The following FLG2 variants were observed in gnomAD, a reference collection of about 807,000 sequenced individuals.
FLG2 encodes the protein filaggrin 2.
Under a neutral mutation model 3.9 loss-of-function variants are expected in FLG2, and 7 were observed. The observed-to-expected ratio is 1.79, with a 90% CI of 1.02 to 3.36. The LOEUF (loss-of-function observed/expected upper bound fraction) is 3.36, where lower values mean the gene tolerates loss of function less well. Ranked by LOEUF, FLG2 falls within the 30% of genes most tolerant of loss-of-function variation. The pLI is 0.00. For missense variants in FLG2, 2,700 were observed against 2,809.4 expected, an observed-to-expected ratio of 0.96 and a Z score of 0.88; for synonymous variants, 1,031 against 1,056.1, an observed-to-expected ratio of 0.98 and a Z score of 0.46.
Position 152,348,768 on chromosome 1 carries a change from A to T in FLG2, c.*1842T>A, listed in dbSNP as rs1293756846. 1.3e-5 allele frequency: 2 copies of T among 152,202 alleles called. No individual in the cohort carries two copies. Among genetic ancestry groups the T allele is most frequent in the Non-Finnish European group, 1.5e-5 (1 of 68,036 alleles). The allele number at this position is 152,202 out of a possible 1,614,324, so 9.4% of individuals were successfully genotyped here. ...GATGAAATGTTTATTGCCAATTTTT[A>T]TGAAGTACAATTTTCTGGATCCTAT... On this transcript the variant is annotated 3_prime_UTR_variant, in exon 3 of 3. Coordinates refer to ENST00000388718, the MANE Select transcript of FLG2 (RefSeq NM_001014342.3).
rs774907826 is a variant in FLG2, at chr1:152,354,572, G to A, written c.3214C>T (p.Arg1072Cys). The A allele has an allele frequency of 8.1e-6, 13 of 1,605,286 alleles. No homozygotes were observed. The highest frequency in any genetic ancestry group is 6.8e-5 in the Admixed American group (4 of 59,086). The change falls in exon 3 of 3, where the codon CGT (arginine) becomes TGT (cysteine). Residue 1072 changes from arginine to cysteine, a missense_variant. Coordinates refer to ENST00000388718, the MANE Select transcript of FLG2 (RefSeq NM_001014342.3). ...SGFGQYESRS[R>C]QSSYGQHGSG... The stretch of plus-strand genomic sequence containing the variant: ...CCATGTTGGCCATAGCTAGACTGAC[G>A]TGATCTAGACTCATATTGTCCAAAA...
Position 152,357,395 on chromosome 1 carries a change from G to C in FLG2, c.391C>G (p.His131Asp). The change falls in exon 3 of 3, where the codon CAT (histidine) becomes GAT (aspartate). Residue 131 changes from histidine (H) to aspartate (D), a missense_variant. His to Asp is a moderately conservative substitution (Grantham distance 81). Coordinates refer to ENST00000388718, the MANE Select transcript of FLG2 (RefSeq NM_001014342.3). The part of the protein sequence containing the change: ...DTPGHKSGYR[H>D]SSWSEGEEHG... ...TCCTCTCCCTCACTCCAACTTGAAT[G>C]TCTGTAACCTGATTTATGTCCTGGT... The C allele has an allele frequency of 6.2e-7, 1 of 1,614,130 alleles. No individual in the cohort carries two copies. The highest frequency in any genetic ancestry group is 8.5e-7 in the Non-Finnish European group (1 of 1,180,030).
chr1:152,348,766 T>G lies in FLG2; in HGVS notation c.*1844A>C, dbSNP rs1204364003. The stretch of plus-strand genomic sequence containing the variant: ...TTGATGAAATGTTTATTGCCAATTT[T>G]TATGAAGTACAATTTTCTGGATCCT... On this transcript the variant is annotated 3_prime_UTR_variant, in exon 3 of 3. Coordinates refer to ENST00000388718, the MANE Select transcript of FLG2 (RefSeq NM_001014342.3). 6.6e-6 allele frequency: 1 copy of G among 152,180 alleles called. No individual in the cohort carries two copies. Among genetic ancestry groups the G allele is most frequent in the Non-Finnish European group, 1.5e-5 (1 of 68,032 alleles). The allele number at this position is 152,180 out of a possible 1,614,324, so 9.4% of individuals were successfully genotyped here. A position where few individuals can be genotyped will look rare whatever the true frequency, so the allele number is the denominator to read the frequency against.
Position 152,351,563 on chromosome 1 carries a change from G to C in FLG2, c.6223C>G (p.Gln2075Glu). 6.2e-7 allele frequency: 1 copy of C among 1,612,282 alleles called. No homozygotes were observed. The highest frequency in any genetic ancestry group is 8.5e-7 in the Non-Finnish European group (1 of 1,179,688). The change falls in exon 3 of 3, where the codon CAG becomes GAG. Residue 2075 changes from glutamine to glutamate, a missense_variant. By Grantham distance (29) the Gln-to-Glu change is conservative. Coordinates refer to ENST00000388718, the MANE Select transcript of FLG2 (RefSeq NM_001014342.3). Reference protein sequence around the residue: ...VHERHGTTHGQTGDTTRHAHS... With the variant: ...VHERHGTTHGETGDTTRHAHS... ...GCATGTCTAGTGGTATCTCCTGTCTGTCCATGAGTAGTTCCGTGTCTCTCA... is the reference window on the plus strand; with the variant it reads ...GCATGTCTAGTGGTATCTCCTGTCTCTCCATGAGTAGTTCCGTGTCTCTCA...
At position 152,357,267 on chromosome 1, in the gene FLG2, G is replaced by A. The variant is rs199644255; in HGVS notation, c.519C>T (p.Asn173=). 2.5e-6 allele frequency: 4 copies of A among 1,614,138 alleles called. No homozygotes were observed. The African/African-American group carries it at 4.0e-5, about 16-fold the overall frequency. The change falls in exon 3 of 3, where the codon AAC becomes AAT. Residue 173 remains asparagine, a synonymous_variant. Coordinates refer to ENST00000388718, the MANE Select transcript of FLG2 (RefSeq NM_001014342.3). ...GGTATCTTTTCTGAGATCCCTCTTG[G>A]TTCCCAGAGCTGGATAAATTACCTT... ...GRQGNLSSSG[N]QEGSQKRYHR...
chr1:152,356,309 C>T lies in FLG2; in HGVS notation c.1477G>A (p.Gly493Arg). The change falls in exon 3 of 3, where the codon GGA becomes AGA. Residue 493 changes from glycine to arginine, a missense_variant. By Grantham distance (125) the Gly-to-Arg change is moderately radical (BLOSUM62 -2). Transcript: ENST00000388718. ...GSGSGQSSGF[G>R]QCGSGSGQSS... ...TGACCTGAGCCTGACCCACATTGTCCAAAGCCAGAGGACTGACCTGAGCCA... is the reference window on the plus strand; with the variant it reads ...TGACCTGAGCCTGACCCACATTGTCTAAAGCCAGAGGACTGACCTGAGCCA... 6.2e-7 allele frequency: 1 copy of T among 1,614,212 alleles called. No homozygotes were observed. The highest frequency in any genetic ancestry group is 8.5e-7 in the Non-Finnish European group (1 of 1,180,028).
rs369386693 is a variant in FLG2, at chr1:152,357,117, A to G, written c.669T>C (p.Tyr223=). 8 of 1,614,070 alleles carry G rather than the reference A, an allele frequency of 5.0e-6. No individual in the cohort carries two copies. In the East Asian group the frequency reaches 1.3e-4, roughly 27 times the overall value. The change falls in exon 3 of 3, where the codon TAT becomes TAC. Residue 223 remains tyrosine, a synonymous_variant. Coordinates refer to ENST00000388718, the MANE Select transcript of FLG2 (RefSeq NM_001014342.3). ...ISPSRESGEE[Y]ESGSGSNSWE... Reference sequence around the variant, plus strand: ...AACTGTTTGATCCAGATCCAGATTCATACTCCTCCCCAGATTCCCTAGAAG... The same window carrying G: ...AACTGTTTGATCCAGATCCAGATTCGTACTCCTCCCCAGATTCCCTAGAAG...
rs750902770 is a variant in FLG2 at position 152,352,115 on chromosome 1, C to T, written c.5671G>A (p.Gly1891Arg). Reference protein sequence around the residue: ...SESSDSEVHSGGSHTHSGHTH... With the variant: ...SESSDSEVHSRGSHTHSGHTH... ...TGTCCTGAATGTGTATGTGAGCCCC[C>T]TGAGTGCACTTCACTGTCACTGGAC... is the stretch of plus-strand genomic sequence containing the variant. Residue 1891 changes from glycine (G) to arginine (R), a missense_variant, in exon 3 of 3, where the codon GGG (glycine) becomes AGG (arginine). Coordinates refer to ENST00000388718, the MANE Select transcript of FLG2 (RefSeq NM_001014342.3). 6 of 1,613,614 alleles carry T rather than the reference C, an allele frequency of 3.7e-6. No homozygotes were observed. In the South Asian group the frequency reaches 6.6e-5, roughly 18 times the overall value.
In FLG2 at chr1:152,351,765, A is replaced by T. The variant is rs917704724; in HGVS notation, c.6021T>A (p.His2007Gln). Residue 2007 changes from histidine to glutamine, a missense_variant, in exon 3 of 3, where the codon CAT becomes CAA. Physicochemically the swap from His to Gln is conservative, Grantham distance 24. Transcript: ENST00000388718. Reference protein sequence around the residue: ...THGQTADTTRHGHSGHGQSTQ... With the variant: ...THGQTADTTRQGHSGHGQSTQ... ...TGGACTGTCCATGACCAGAGTGGCC[A>T]TGTCTAGTGGTATCTGCTGTTTGTC... is the stretch of plus-strand genomic sequence containing the variant. The T allele has an allele frequency of 5.6e-6, 9 of 1,610,804 alleles. No homozygotes were observed. The highest frequency in any genetic ancestry group is 7.6e-6 in the Non-Finnish European group (9 of 1,179,538).
Position 152,356,442 on chromosome 1 carries a change from G to A in FLG2, c.1344C>T (p.Gly448=). 1.2e-6 allele frequency: 2 copies of A among 1,614,222 alleles called. No individual in the cohort carries two copies. Among genetic ancestry groups the A allele is most frequent in the Non-Finnish European group, 1.7e-6 (2 of 1,180,042 alleles). Residue 448 remains glycine (G), a synonymous_variant, in exon 3 of 3, where the codon GGC becomes GGT. Transcript: ENST00000388718. The part of the protein sequence containing the change: ...QSSGFEQHVC[G]SGQTCGQHES... ...CATGCTGGCCACAAGTTTGACCTGA[G>A]CCACATACATGTTGTTCGAACCCAG...
Position 152,356,690 on chromosome 1 carries a change from A to C in FLG2, c.1096T>G (p.Cys366Gly). The change falls in exon 3 of 3, where the codon TGT becomes GGT. Residue 366 changes from cysteine (C) to glycine (G), a missense_variant. Physicochemically the swap from Cys to Gly is radical, Grantham distance 159. Coordinates refer to ENST00000388718, the MANE Select transcript of FLG2 (RefSeq NM_001014342.3). ...GARENGQPQN[C>G]GGQWRTGSSQ... ...GAGCCTGTTCTCCATTGTCCTCCAC[A>C]GTTCTGTGGTTGACCATTTTCTCTA... is the stretch of plus-strand genomic sequence containing the variant. 1.2e-6 allele frequency: 2 copies of C among 1,614,192 alleles called. No homozygotes were observed. The highest frequency in any genetic ancestry group is 1.7e-6 in the Non-Finnish European group (2 of 1,180,034).
rs866099097 is a variant in FLG2, at chr1:152,354,373, G to T, written c.3413C>A (p.Ser1138Tyr). 3 of 1,613,990 alleles carry T rather than the reference G, an allele frequency of 1.9e-6. No homozygotes were observed. The highest frequency in any genetic ancestry group is 2.5e-6 in the Non-Finnish European group (3 of 1,180,032). The change falls in exon 3 of 3, where the codon TCC becomes TAC. Residue 1138 changes from serine (S) to tyrosine (Y), a missense_variant. Physicochemically the swap from Ser to Tyr is moderately radical, Grantham distance 144 (BLOSUM62 -2). Coordinates refer to ENST00000388718, the MANE Select transcript of FLG2 (RefSeq NM_001014342.3). ...FGQHGSGTGK[S>Y]SGFAQHEYRS... ...GTACTCATGCTGTGCAAAGCCAGAG[G>T]ATTTACCTGTGCCTGACCCATGTTG...
Position 152,351,338 on chromosome 1 carries a change from G to C in FLG2, c.6448C>G (p.Gln2150Glu). The C allele has an allele frequency of 6.2e-7, 1 of 1,613,974 alleles. No individual in the cohort carries two copies. Among genetic ancestry groups the C allele is most frequent in the Non-Finnish European group, 8.5e-7 (1 of 1,179,992 alleles). Reference sequence around the variant, plus strand: ...CCATGTCTAGTGGTATCTCCTGTCTGTCCATGTATAGTTCCCTGTCTCCCG... The same window carrying C: ...CCATGTCTAGTGGTATCTCCTGTCTCTCCATGTATAGTTCCCTGTCTCCCG... The part of the protein sequence containing the change: ...IHGRQGTIHG[Q>E]TGDTTRHGQS... The change falls in exon 3 of 3, where the codon CAG becomes GAG. Residue 2150 changes from glutamine (Q) to glutamate (E), a missense_variant. Gln to Glu is a conservative substitution (Grantham distance 29). Transcript: ENST00000388718.
Position 152,350,215 on chromosome 1 carries a change from A to C in FLG2, c.*395T>G. The C allele has an allele frequency of 4.8e-6, 1 of 209,482 alleles. No individual in the cohort carries two copies. The allele number at this position is 209,482 out of a possible 1,614,324, so 13.0% of individuals were successfully genotyped here. On this transcript the variant is annotated 3_prime_UTR_variant, in exon 3 of 3. Coordinates refer to ENST00000388718, the MANE Select transcript of FLG2 (RefSeq NM_001014342.3). ...CTCTAACTTCCCATGCCTAGATCCT[A>C]ATTGCTCATGAGTGTCTTTCTCCCA...
At chr1:152,359,780 A>G (rs150703315) in intron 1 of FLG2, among the ~76,000 whole-genome samples, 176 bp downstream of exon 1, 2 of 152,338 alleles carry the variant, frequency 1.3e-5, no homozygotes, top group South Asian at 2.1e-4. Context: ...AGGCCCCAGA[A>G]TAAACTAAAC....
rs758650635 is a variant in FLG2 at position 152,352,902 on chromosome 1, A to G, written c.4884T>C (p.Thr1628=). 6.2e-7 allele frequency: 1 copy of G among 1,613,178 alleles called. No homozygotes were observed. Among genetic ancestry groups the G allele is most frequent in the Non-Finnish European group, 8.5e-7 (1 of 1,179,882 alleles). Residue 1628 remains threonine (T), a synonymous_variant, in exon 3 of 3, where the codon ACT becomes ACC. Transcript: ENST00000388718. ...GTCCATGACCAGAGTGGGAATGTCCAGTGGTATCTCCTATCTGTCCATGAG... is the reference window on the plus strand; with the variant it reads ...GTCCATGACCAGAGTGGGAATGTCCGGTGGTATCTCCTATCTGTCCATGAG... ...GTTHGQIGDT[T]GHSHSGHGQS...
At position 152,352,083 on chromosome 1, in the gene FLG2, G is replaced by C. The variant is rs140875805; in HGVS notation, c.5703C>G (p.His1901Gln). 73 of 1,610,976 alleles carry C rather than the reference G, an allele frequency of 4.5e-5. No individual in the cohort carries two copies. The African/African-American group carries it at 8.5e-4, about 19-fold the overall frequency. ...CTCCATGTTGAGACCTGGCTTGGCT[G>C]TGTGTGTGTCCTGAATGTGTATGTG... ...GGSHTHSGHT[H>Q]SQARSQHGES... Residue 1901 changes from histidine (H) to glutamine (Q), a missense_variant, in exon 3 of 3, where the codon CAC becomes CAG. Physicochemically the swap from His to Gln is conservative, Grantham distance 24. Coordinates refer to ENST00000388718, the MANE Select transcript of FLG2 (RefSeq NM_001014342.3).
chr1:152,358,223 G>A (rs1654321543), intron 2 of FLG2, among the ~76,000 whole-genome samples: 2 of 151,942 alleles, frequency 1.3e-5, no homozygotes, highest in Non-Finnish European at 2.9e-5. Context: ...GGGTTTCACC[G>A]TATTAGCCAG....
Position 152,357,572 on chromosome 1 carries a change from TA to T in FLG2, c.213del (p.Phe71LeufsTer6), listed in dbSNP as rs1209553309. 6.2e-7 allele frequency: 1 copy of T among 1,613,996 alleles called. No homozygotes were observed. The highest frequency in any genetic ancestry group is 8.5e-7 in the Non-Finnish European group (1 of 1,180,034). On this transcript the variant is annotated frameshift_variant, in exon 3 of 3. Coordinates refer to ENST00000388718, the MANE Select transcript of FLG2 (RefSeq NM_001014342.3). LOFTEE classifies it low-confidence loss of function (END_TRUNC). ...TTGAATATCATCAAAAGAAACTCAG[TA>T]AAGTCCAATCTTCTGTCATGATCTC... ...LDRDHDRRLD[F>X]TEFLLMIFKL...
Sources: gnomAD v4.1 joint callset for allele counts (sites outside exome capture counted in the v4.1 genomes callset) on GRCh38, gnomAD v4.1.1 for gene constraint, MANE v1.5 for transcripts, NCBI Gene and HGNC (gene_info 2026-07-23, HGNC 2026-07-21) for gene names.